FER: variants seen among roughly 807,000 people sequenced by gnomAD.
FER encodes the protein tyrosine-protein kinase Fer.
FER carries 63 observed loss-of-function variants against 111.0 expected under a neutral mutation model. That is an observed-to-expected ratio of 0.57 (90% CI 0.46 to 0.70). The LOEUF is 0.70. Ranked by LOEUF, FER falls within the 30% of genes least tolerant of loss-of-function variation. The pLI is 0.00. For missense variants in FER, 914 were observed against 954.0 expected, an observed-to-expected ratio of 0.96 and a Z score of 0.55; for synonymous variants, 327 against 313.9, an observed-to-expected ratio of 1.04 and a Z score of -0.44.
intron 5 of FER, among the ~76,000 whole-genome samples, chr5:108,854,564 G>A (rs184916460): frequency 2.1e-3 from 315 of 152,252 alleles, no homozygotes; most frequent in Non-Finnish European, 3.7e-3. Flanking sequence ...TATTGTTTTG[G>A]GGGTTTTAAA....
chr5:108,873,737 G>T (rs1653482078), intron 8 of FER, among the ~76,000 whole-genome samples: 1 of 152,108 alleles, frequency 6.6e-6, no homozygotes, highest in African/African-American at 2.4e-5. Context: ...TCCTTGCCCT[G>T]GGTGATTTTA....
At chr5:109,034,281 A>C (rs1203887907) in intron 13 of FER, among the ~76,000 whole-genome samples, 1 of 152,162 alleles carries the variant, frequency 6.6e-6, no homozygotes, top group African/African-American at 2.4e-5. Context: ...TTCAACTTTG[A>C]TATGACAGGC....
chr5:109,086,343 C>T (rs866103936), intron 16 of FER, among the ~76,000 whole-genome samples: 82 of 151,714 alleles, frequency 5.4e-4, no homozygotes, highest in South Asian at 1.0e-3. Context: ...TTATTCTTTT[C>T]CCATCTGTAG....
chr5:109,172,057 A>T (rs1466645015), intron 17 of FER, among the ~76,000 whole-genome samples: 1 of 152,180 alleles, frequency 6.6e-6, no homozygotes, highest in African/African-American at 2.4e-5. Context: ...TAGTTCAACC[A>T]TTGTGGAAGT....
intron 6 of FER, among the ~76,000 whole-genome samples, chr5:108,870,814 A>T (rs1036064547): frequency 2.0e-5 from 3 of 152,102 alleles, no homozygotes; most frequent in Admixed American, 1.3e-4. Flanking sequence ...CATTTATTAG[A>T]CCAGGCTAAT....
At chr5:108,910,165 A>G (rs1187558899) in intron 10 of FER, among the ~76,000 whole-genome samples, 1 of 152,136 alleles carries the variant, frequency 6.6e-6, no homozygotes, top group African/African-American at 2.4e-5. Flanking sequence ...TTAAATATAA[A>G]TTTTTGTAAG....
chr5:108,991,307 CTAAT>C (rs1326820005), intron 13 of FER, among the ~76,000 whole-genome samples: 1 of 151,724 alleles, frequency 6.6e-6, no homozygotes, highest in Non-Finnish European at 1.5e-5. Flanking sequence ...TTTAATTACT[CTAAT>C]TATTGTTAAG....
At chr5:108,937,243 G>T (rs1435054303) in intron 10 of FER, among the ~76,000 whole-genome samples, 1 of 151,932 alleles carries the variant, frequency 6.6e-6, no homozygotes, top group Non-Finnish European at 1.5e-5. Flanking sequence ...GTGAGTGTGT[G>T]CTTGGGCCTC....
chr5:108,875,082 A>G (rs1326795985), intron 8 of FER, among the ~76,000 whole-genome samples: 8 of 152,116 alleles, frequency 5.3e-5, no homozygotes, highest in East Asian at 1.9e-4. Context: ...ACCACGAAGC[A>G]TTTTATCGTA....
intron 8 of FER, among the ~76,000 whole-genome samples, chr5:108,879,699 A>ATATATGTATAT (rs1165401708): frequency 1.1e-5 from 1 of 93,526 alleles, no homozygotes; most frequent in Non-Finnish European, 2.1e-5. Context: ...AGATTAAAAA[A>ATATATGTATAT]AAATATATAT....
At chr5:108,805,799 G>A (rs1482490002) in intron 3 of FER, among the ~76,000 whole-genome samples, 1 of 152,188 alleles carries the variant, frequency 6.6e-6, no homozygotes, top group South Asian at 2.1e-4. Context: ...CTCAAGAGGT[G>A]ACTTGGGTGC....
At chr5:109,061,047 G>C (rs1372710265) in intron 16 of FER, among the ~76,000 whole-genome samples, 1 of 152,082 alleles carries the variant, frequency 6.6e-6, no homozygotes, top group East Asian at 1.9e-4. Flanking sequence ...AACAAATTGG[G>C]AAGCACAGTT....
At chr5:108,961,863 G>A (rs1163057458) in intron 13 of FER, among the ~76,000 whole-genome samples, 5 of 152,026 alleles carry the variant, frequency 3.3e-5, no homozygotes, top group Non-Finnish European at 4.4e-5. Context: ...GATTTAATTT[G>A]TGTGAAAAGT....
intron 1 of FER, among the ~76,000 whole-genome samples, chr5:108,752,226 T>TC (rs1300919871): frequency 1.3e-5 from 2 of 152,048 alleles, no homozygotes; most frequent in Non-Finnish European, 2.9e-5. Context: ...CCTTCCTCCT[T>TC]CCCTTTTTTT....
chr5:108,911,565 T>G lies in FER; in HGVS notation c.1236+13717T>G, dbSNP rs189941507. On this transcript the variant is annotated intron_variant, in intron 10 of 19. Transcript: ENST00000281092. ...AGGCCAATGTCTGGAAGAGTGTTTC[T>G]TAGGTTTTCTTCTGGAATTTTTATA... Among the ~76,000 whole-genome samples the G allele has an allele frequency of 5.9e-4, 90 of 152,214 alleles. No individual in the cohort carries two copies. In the East Asian group the frequency reaches 0.014, roughly 24 times the overall value.
At chr5:108,761,169 C>T (rs564800118) in intron 1 of FER, among the ~76,000 whole-genome samples, 1 of 152,042 alleles carries the variant, frequency 6.6e-6, no homozygotes, top group Admixed American at 6.6e-5. Flanking sequence ...GCCTCGTGGT[C>T]CCCCCACCTC....
chr5:108,797,018 G>A (rs1176933371), intron 2 of FER, among the ~76,000 whole-genome samples: 2 of 151,980 alleles, frequency 1.3e-5, no homozygotes, highest in Non-Finnish European at 2.9e-5. Flanking sequence ...CTGACCCAGA[G>A]CCCACAGCGT....
intron 3 of FER, among the ~76,000 whole-genome samples, chr5:108,799,564 A>G (rs1756405944): frequency 1.3e-5 from 2 of 152,298 alleles, no homozygotes; most frequent in South Asian, 2.1e-4. Flanking sequence ...AAAATACAGG[A>G]CACCATTTGA....
At chr5:108,922,471 C>T (rs1458860131) in intron 10 of FER, among the ~76,000 whole-genome samples, 1 of 152,066 alleles carries the variant, frequency 6.6e-6, no homozygotes, top group Non-Finnish European at 1.5e-5. Flanking sequence ...GAACAAGTAA[C>T]AAATCCAGCA....
Sources: gnomAD v4.1 joint callset for allele counts (sites outside exome capture counted in the v4.1 genomes callset) on GRCh38, gnomAD v4.1.1 for gene constraint, MANE v1.5 for transcripts, NCBI Gene and HGNC (gene_info 2026-07-23, HGNC 2026-07-21) for gene names.